The following PLSCR2 variants were observed in gnomAD, a reference collection of about 807,000 sequenced individuals.
PLSCR2 encodes PL scramblase 2.
In PLSCR2, 18 loss-of-function variants were observed where a neutral mutation model predicts 25.3. That is an observed-to-expected ratio of 0.71 (90% CI 0.49 to 1.06). The LOEUF is 1.06. PLSCR2 is among the 50% of genes least tolerant of loss of function. The pLI, the probability that PLSCR2 is intolerant of heterozygous loss-of-function variation, is 0.00. For missense variants in PLSCR2, 243 were observed against 269.5 expected (o/e 0.90, Z 0.69); for synonymous variants, 88 against 87.3 (o/e 1.01, Z -0.04).
At chr3:146,443,588 G>A (rs1290217441) in intron 6 of PLSCR2, among the ~76,000 whole-genome samples, 2 of 151,804 alleles carry the variant, frequency 1.3e-5, no homozygotes, top group African/African-American at 4.8e-5. Flanking sequence ...TTGAATTTCT[G>A]CAGTATCAAT....
intron 2 of PLSCR2, among the ~76,000 whole-genome samples, chr3:146,423,325 T>A (rs2039227495): frequency 6.7e-6 from 1 of 148,346 alleles, no homozygotes; most frequent in Admixed American, 6.9e-5. Flanking sequence ...TAACTCTACT[T>A]AGTTAACAAT....
In PLSCR2 at chr3:146,478,715, C is replaced by T. The variant is rs1018405032; in HGVS notation, c.-293+17180G>A. On this transcript the variant is annotated intron_variant, in intron 1 of 8. Transcript: ENST00000336685. The stretch of plus-strand genomic sequence containing the variant: ...ACTTCCCCAACCTAGCAAGGCAGGC[C>T]AATGTTCAAATTCAGGAAACATAGA... Among the ~76,000 whole-genome samples, 3 of 152,122 alleles carry T rather than the reference C, an allele frequency of 2.0e-5. No homozygotes were observed. The South Asian group carries it at 6.2e-4, about 31-fold the overall frequency.
chr3:146,423,382 A>G (rs2039229391), intron 2 of PLSCR2, among the ~76,000 whole-genome samples: 1 of 151,814 alleles, frequency 6.6e-6, no homozygotes, highest in South Asian at 2.1e-4. Context: ...CTTCTATTCA[A>G]TATCAGTTAT....
At chr3:146,445,073 A>G (rs1160641447) in intron 6 of PLSCR2, among the ~76,000 whole-genome samples, 3 of 152,082 alleles carry the variant, frequency 2.0e-5, no homozygotes, top group African/African-American at 4.8e-5. Context: ...TCATTGTCCC[A>G]TTTTTAAATT....
chr3:146,454,111 C>T lies in PLSCR2; in HGVS notation c.374G>A (p.Trp125Ter). The T allele has an allele frequency of 1.2e-6, 2 of 1,609,082 alleles. No individual in the cohort carries two copies. The highest frequency in any genetic ancestry group is 1.3e-5 in the African/African-American group (1 of 74,676). Residue 125 changes from tryptophan (W) to a stop codon, truncating the protein, a stop_gained, in exon 5 of 7, where the codon TGG (tryptophan) becomes TAG (stop). Coordinates refer to ENST00000610787, the Ensembl canonical transcript of PLSCR2. LOFTEE classifies it high-confidence loss of function. The stretch of plus-strand genomic sequence containing the variant: ...TGTAAACTTTGTTAGACATGGGTGC[C>T]AGGTCTGAGTAACATAACCTACTGG...
chr3:146,482,166 G>T (rs183473545), intron 1 of PLSCR2, among the ~76,000 whole-genome samples: 106 of 152,274 alleles, frequency 7.0e-4, no homozygotes, highest in African/African-American at 2.4e-3. Context: ...ATAGGCATGG[G>T]CAAGGACTTC....
rs78386284 is a variant in PLSCR2 at position 146,456,537 on chromosome 3, T to C, written c.101-1078A>G. Among the ~76,000 whole-genome samples the C allele has an allele frequency of 5.7e-3, 875 of 152,350 alleles. 9 individuals are homozygous for C. Among genetic ancestry groups the C allele is most frequent in the African/African-American group, 0.02 (834 of 41,586 alleles). ...CCAACTAATTGTTTAATTATGTAAC[T>C]TACTTGCGAAAATCTTAAGCTGTTT... On this transcript the variant is annotated intron_variant, in intron 3 of 6. Coordinates refer to ENST00000610787, the Ensembl canonical transcript of PLSCR2.
At chr3:146,468,775 C>G (rs1184400116) in intron 1 of PLSCR2, among the ~76,000 whole-genome samples, 2 of 151,932 alleles carry the variant, frequency 1.3e-5, no homozygotes, top group East Asian at 3.9e-4. Context: ...ATTCATGATT[C>G]ATGTCCGTTG....
At chr3:146,487,490 A>G (rs534780626) in intron 1 of PLSCR2, among the ~76,000 whole-genome samples, 1 of 152,282 alleles carries the variant, frequency 6.6e-6, no homozygotes, top group Admixed American at 6.5e-5. Flanking sequence ...AAATCAAGCA[A>G]TGTGTAAAAA....
chr3:146,475,087 C>A (rs557573710), intron 1 of PLSCR2, among the ~76,000 whole-genome samples: 23 of 152,130 alleles, frequency 1.5e-4, no homozygotes, highest in African/African-American at 5.1e-4. Flanking sequence ...TTAGAACATG[C>A]TCCTTTAGCT....
upstream of PLSCR2, chr3:146,462,038 A>G: frequency 1.6e-6 from 1 of 610,268 alleles, no homozygotes; most frequent in Non-Finnish European, 2.7e-6. Flanking sequence ...TAAATTACTT[A>G]CTTTTATTGT....
At chr3:146,483,404 A>C (rs981122479) in intron 1 of PLSCR2, among the ~76,000 whole-genome samples, 24 of 127,086 alleles carry the variant, frequency 1.9e-4, no homozygotes, top group African/African-American at 7.1e-4. Flanking sequence ...CATGTTGTAC[A>C]CATGTACCCT....
chr3:146,437,125 C>A (rs2039911822), downstream of PLSCR2, among the ~76,000 whole-genome samples: 2 of 152,052 alleles, frequency 1.3e-5, no homozygotes, highest in African/African-American at 4.8e-5. Context: ...AGGAATGAAG[C>A]CCACTAGATC....
chr3:146,423,847 GGA>G (rs1478930018), intron 2 of PLSCR2, among the ~76,000 whole-genome samples: 1 of 152,026 alleles, frequency 6.6e-6, no homozygotes, highest in Admixed American at 6.6e-5. Context: ...GAAAAGATAA[GGA>G]AACAGATTCT....
intron 6 of PLSCR2, among the ~76,000 whole-genome samples, chr3:146,445,308 T>C (rs1389436349): frequency 1.3e-5 from 2 of 152,284 alleles, no homozygotes; most frequent in East Asian, 1.9e-4. Context: ...TGCTTTCAGA[T>C]TGAAGAACTT....
chr3:146,393,767 C>T (rs1156246453), intron 3 of PLSCR2, among the ~76,000 whole-genome samples: 1 of 145,564 alleles, frequency 6.9e-6, no homozygotes, highest in African/African-American at 2.5e-5. Context: ...TGAGATTGTG[C>T]CACTGCACTG....
At chr3:146,402,808 G>T (rs1186310711) in intron 2 of PLSCR2, among the ~76,000 whole-genome samples, 1 of 152,094 alleles carries the variant, frequency 6.6e-6, no homozygotes, top group Admixed American at 6.5e-5. Context: ...AACAGGTTGA[G>T]TATAGAATTT....
At position 146,473,383 on chromosome 3, in the gene PLSCR2, C is replaced by A. The variant is rs560041318; in HGVS notation, c.-292-13099G>T. On this transcript the variant is annotated intron_variant, in intron 1 of 8. Coordinates refer to the PLSCR2 transcript ENST00000336685. ...GCAATGGCACGATCTCAGCTCACTG[C>A]AGCAACCTCCACCTCCCAGGATCAA... Among the ~76,000 whole-genome samples, 6 of 149,056 alleles carry A rather than the reference C, an allele frequency of 4.0e-5. No individual in the cohort carries two copies. In the South Asian group the frequency reaches 1.3e-3, roughly 31 times the overall value.
At chr3:146,492,796 A>G (rs2043597957) in intron 1 of PLSCR2, among the ~76,000 whole-genome samples, 3 of 152,064 alleles carry the variant, frequency 2.0e-5, no homozygotes, top group Admixed American at 2.0e-4. Context: ...GAAATAACCA[A>G]AACCAGAGCT....
Sources: allele counts gnomAD v4.1 joint callset (sites outside exome capture counted in the v4.1 genomes callset), GRCh38; gene constraint gnomAD v4.1.1; transcripts MANE v1.5; gene names NCBI Gene and HGNC (gene_info 2026-07-23, HGNC 2026-07-21).